PIEZO2: variants seen among roughly 807,000 people sequenced by gnomAD.
PIEZO2 encodes piezo-type mechanosensitive ion channel component 2.
In PIEZO2, 172 loss-of-function variants were observed where a neutral mutation model predicts 337.3. That is an observed-to-expected ratio of 0.51 (90% confidence interval 0.45 to 0.58). The LOEUF (loss-of-function observed/expected upper bound fraction) is 0.58, where lower values mean the gene tolerates loss of function less well. Ranked by LOEUF, PIEZO2 falls within the 20% of genes least tolerant of loss-of-function variation. PIEZO2 has a pLI of 0.00. For missense variants in PIEZO2, 3,028 were observed against 3,391.3 expected (o/e 0.89, Z 2.66); for synonymous variants, 1,251 against 1,228.5 (o/e 1.02, Z -0.38).
chr18:10,841,713 T>C (rs746440167), intron 7 of PIEZO2, among the ~76,000 whole-genome samples: 24 of 152,166 alleles, frequency 1.6e-4, no homozygotes, highest in Non-Finnish European at 3.1e-4. Context: ...GAAAGAAAGC[T>C]AGATGGTAAC....
At chr18:11,006,567 T>C (rs1237943444) in intron 2 of PIEZO2, among the ~76,000 whole-genome samples, 1 of 152,186 alleles carries the variant, frequency 6.6e-6, no homozygotes, top group Non-Finnish European at 1.5e-5. Flanking sequence ...TTACCTCGTA[T>C]TGGTCTATTA....
chr18:10,838,777 G>C (rs1449827532), intron 7 of PIEZO2, among the ~76,000 whole-genome samples: 1 of 152,142 alleles, frequency 6.6e-6, no homozygotes, highest in African/African-American at 2.4e-5. Flanking sequence ...TGAGAGAAAA[G>C]TGAGAAATGA....
chr18:11,121,313 G>A (rs1186930065), intron 1 of PIEZO2, among the ~76,000 whole-genome samples: 1 of 152,074 alleles, frequency 6.6e-6, no homozygotes, highest in East Asian at 1.9e-4. Flanking sequence ...CCAGTACTTT[G>A]GTAGGTCAAG....
chr18:10,989,720 G>A (rs996321061), intron 2 of PIEZO2, among the ~76,000 whole-genome samples: 1 of 152,030 alleles, frequency 6.6e-6, no homozygotes, highest in African/African-American at 2.4e-5. Flanking sequence ...AAAATCTGAG[G>A]GGGAAATATG....
At chr18:11,020,170 C>T (rs2036260336) in intron 2 of PIEZO2, among the ~76,000 whole-genome samples, 1 of 152,118 alleles carries the variant, frequency 6.6e-6, no homozygotes, top group Non-Finnish European at 1.5e-5. Flanking sequence ...GAAAAGGCAA[C>T]ACAGAAGAGA....
At position 11,032,465 on chromosome 18, in the gene PIEZO2, C is replaced by T. The variant is rs751798155; in HGVS notation, c.160+33662G>A. ...TGCTCTATTAGAATACGGAGCTATTCTTGGCATGCTCTCGAGTAAGTGTAA... is the reference window on the plus strand; with the variant it reads ...TGCTCTATTAGAATACGGAGCTATTTTTGGCATGCTCTCGAGTAAGTGTAA... On this transcript the variant is annotated intron_variant, in intron 2 of 55. Transcript: ENST00000674853. The surrounding 1 kb of genome is among the most constrained non-coding windows in gnomAD (Gnocchi z 4.9). Among the ~76,000 whole-genome samples, 2 of 152,198 alleles carry T rather than the reference C, an allele frequency of 1.3e-5. No homozygotes were observed. The highest frequency in any genetic ancestry group is 2.4e-5 in the African/African-American group (1 of 41,444).
chr18:10,730,708 A>G (rs932048350), intron 36 of PIEZO2, among the ~76,000 whole-genome samples: 1 of 151,906 alleles, frequency 6.6e-6, no homozygotes, highest in Non-Finnish European at 1.5e-5. Flanking sequence ...TAAATTGCCA[A>G]AGTTTCATCT....
At chr18:10,916,667 C>G (rs1401774082) in intron 3 of PIEZO2, among the ~76,000 whole-genome samples, 1 of 152,172 alleles carries the variant, frequency 6.6e-6, no homozygotes, top group East Asian at 1.9e-4. Context: ...CCTCTCCCTC[C>G]ACACCTCCCC....
At chr18:10,897,256 G>A (rs564170614) in intron 4 of PIEZO2, among the ~76,000 whole-genome samples, 4 of 151,704 alleles carry the variant, frequency 2.6e-5, no homozygotes, top group East Asian at 1.9e-4. Flanking sequence ...GTGCAACCTC[G>A]GCTCACTGCA....
chr18:10,741,246 A>AAAAATATTTTTTTCT (rs1263864637), intron 32 of PIEZO2, 144 bp from the exon 33 acceptor site: 31 of 641,970 alleles, frequency 4.8e-5, no homozygotes, highest in Non-Finnish European at 7.1e-5. Context: ...ACTGAATCTG[A>AAAAATATTTTTTTCT]AAAATATACA....
chr18:11,076,030 C>G (rs1365702805), intron 1 of PIEZO2, among the ~76,000 whole-genome samples: 1 of 152,142 alleles, frequency 6.6e-6, no homozygotes, highest in African/African-American at 2.4e-5. Flanking sequence ...TTGTGAGCCA[C>G]CCACCTCGGC....
intron 4 of PIEZO2, among the ~76,000 whole-genome samples, chr18:10,874,090 G>A (rs1296778642): frequency 5.9e-5 from 9 of 151,700 alleles, no homozygotes; most frequent in South Asian, 2.1e-4. Flanking sequence ...ATTAATAATC[G>A]GAATATATAA....
intron 5 of PIEZO2, among the ~76,000 whole-genome samples, chr18:10,864,967 A>G (rs2041968452): frequency 6.6e-6 from 1 of 152,194 alleles, no homozygotes; most frequent in Non-Finnish European, 1.5e-5. Flanking sequence ...GAAAGACAAG[A>G]GTCGGGAGAA....
At chr18:11,013,051 A>G (rs1308147214) in intron 2 of PIEZO2, among the ~76,000 whole-genome samples, 1 of 152,188 alleles carries the variant, frequency 6.6e-6, no homozygotes, top group Non-Finnish European at 1.5e-5. Flanking sequence ...CTCAAAAAAA[A>G]AGTTATTTAT....
chr18:10,831,542 G>A (rs765202203), intron 7 of PIEZO2, among the ~76,000 whole-genome samples: 1 of 152,094 alleles, frequency 6.6e-6, no homozygotes, highest in Non-Finnish European at 1.5e-5. Context: ...TAGTGGGGTG[G>A]GGAAAATATT....
chr18:11,130,970 G>A (rs1187450556), intron 1 of PIEZO2, among the ~76,000 whole-genome samples: 1 of 152,232 alleles, frequency 6.6e-6, no homozygotes, highest in African/African-American at 2.4e-5. Flanking sequence ...ATCCAATGGT[G>A]TTTGAGGTGT....
At position 10,746,593 on chromosome 18, in the gene PIEZO2, T is replaced by C. The variant is rs533124565; in HGVS notation, c.4424+1878A>G. Reference sequence around the variant, plus strand: ...GTCTGAATGTCTGCATCCCCTACAATTCACATGTGGAAATCCTGACTCCCA... The same window carrying C: ...GTCTGAATGTCTGCATCCCCTACAACTCACATGTGGAAATCCTGACTCCCA... On this transcript the variant is annotated intron_variant, in intron 30 of 55. Coordinates refer to ENST00000674853, the MANE Select transcript of PIEZO2 (RefSeq NM_001378183.1). The surrounding 1 kb of genome is among the most constrained non-coding windows in gnomAD (Gnocchi z 4.2). Among the ~76,000 whole-genome samples the C allele has an allele frequency of 9.2e-5, 14 of 152,244 alleles. No individual in the cohort carries two copies. The East Asian group carries it at 2.7e-3, about 29-fold the overall frequency.
Position 11,148,608 on chromosome 18 carries a change from G to A in PIEZO2, c.-20C>T. 1 of 1,536,708 alleles carries A rather than the reference G, an allele frequency of 6.5e-7. No individual in the cohort carries two copies. On this transcript the variant is annotated 5_prime_UTR_variant, in exon 1 of 56. Transcript: ENST00000674853. This position sits in a 1 kb window ranked among gnomAD's most constrained non-coding sequence, Gnocchi z 5.2. ...GGCCATCGCGTCGGTCCGGCGAGTC[G>A]GAGCAGAGGGGCGAGGCTCGAGGGT... is the stretch of plus-strand genomic sequence containing the variant.
chr18:10,776,576 A>C (rs1388538932), intron 18 of PIEZO2, among the ~76,000 whole-genome samples: 1 of 152,202 alleles, frequency 6.6e-6, no homozygotes, highest in African/African-American at 2.4e-5. Context: ...GCCATTCAGA[A>C]GAAAAAAAAG....
Sources: gnomAD v4.1 joint callset for allele counts (sites outside exome capture counted in the v4.1 genomes callset) on GRCh38, gnomAD v4.1.1 for gene constraint, Gnocchi (gnomAD v3.1) non-coding constraint, MANE v1.5 for transcripts, NCBI Gene and HGNC (gene_info 2026-07-23, HGNC 2026-07-21) for gene names.